Variants in WT1 observed in about 807,000 individuals in gnomAD.
The protein encoded by WT1 is Wilms tumor protein.
WT1 carries 8 observed loss-of-function variants against 60.8 expected under a neutral mutation model. The observed-to-expected ratio is 0.13, with a 90% CI of 0.08 to 0.24. The LOEUF (loss-of-function observed/expected upper bound fraction) is 0.24. Among genes scored for constraint, WT1 ranks in the 10% least tolerant of loss-of-function variants. The pLI, the probability that WT1 is intolerant of heterozygous loss-of-function variation, is 1.00. For synonymous variants in WT1, 312 were observed against 297.1 expected (o/e 1.05, Z -0.52); for missense variants, 568 against 711.8 (o/e 0.80, Z 2.30).
At chr11:32,413,741 T>C (rs953888503) in intron 5 of WT1, among the ~76,000 whole-genome samples, 3 of 152,236 alleles carry the variant, frequency 2.0e-5, no homozygotes, top group African/African-American at 7.2e-5. Context: ...TGTGTGTGTA[T>C]GTGTGTGCAC....
intron 6 of WT1, among the ~76,000 whole-genome samples, chr11:32,399,156 C>CAA (rs890562481): frequency 1.4e-3 from 78 of 54,366 alleles, no homozygotes; most frequent in Admixed American, 3.0e-3. Flanking sequence ...ACTCCCATCT[C>CAA]AAAAAAAAAA....
intron 3 of WT1, among the ~76,000 whole-genome samples, chr11:32,424,011 A>T (rs1278884880): frequency 6.6e-6 from 1 of 152,012 alleles, no homozygotes; most frequent in Non-Finnish European, 1.5e-5. Context: ...AAATACAAAA[A>T]ATTAGCCAGG....
chr11:32,412,608 A>C (rs1161759518), intron 5 of WT1, among the ~76,000 whole-genome samples: 1 of 151,846 alleles, frequency 6.6e-6, no homozygotes, highest in African/African-American at 2.4e-5. Flanking sequence ...AAATGTTTTC[A>C]AAGAAATAGA....
intron 6 of WT1, among the ~76,000 whole-genome samples, chr11:32,399,354 T>C (rs547525588): frequency 2.0e-5 from 3 of 152,304 alleles, no homozygotes; most frequent in Non-Finnish European, 2.9e-5. Context: ...TGAACCCTAA[T>C]GTAAACTATG....
Position 32,400,304 on chromosome 11 carries a change from A to C in WT1, c.1017-260T>G, listed in dbSNP as rs1298063880. ...CACCGTCACGGTCTAGGTCTCGCTC[A>C]GACAAGCCGAGGAAGACCACAGTGG... On this transcript the variant is annotated intron_variant, in intron 5 of 9. Coordinates refer to ENST00000452863, the MANE Select transcript of WT1 (RefSeq NM_024426.6). 5.5e-6 allele frequency: 3 copies of C among 542,474 alleles called. No homozygotes were observed. The African/African-American group carries it at 5.7e-5, about 10-fold the overall frequency. 33.6% of individuals were successfully genotyped at this position (542,474 alleles called of 1,614,324 possible).
At position 32,392,773 on chromosome 11, in the gene WT1, T is replaced by C; in HGVS notation, c.1265-18A>G. On this transcript the variant is annotated intron_variant, in intron 7 of 9. Transcript: ENST00000452863. ...TTTCTCACCTTGGGGAAGACACATA[T>C]TCTATTTGAAAATGATACTGGAAAA... is the stretch of plus-strand genomic sequence containing the variant. The C allele has an allele frequency of 6.2e-7, 1 of 1,611,676 alleles. No homozygotes were observed. The highest frequency in any genetic ancestry group is 1.1e-5 in the South Asian group (1 of 91,002).
intron 5 of WT1, among the ~76,000 whole-genome samples, chr11:32,409,448 G>A (rs1852426029): frequency 6.6e-6 from 1 of 151,780 alleles, no homozygotes; most frequent in Non-Finnish European, 1.5e-5. Flanking sequence ...CTCTTATAAA[G>A]AAAGCACTTT....
Position 32,400,039 on chromosome 11 carries a change from C to A in WT1, c.1022G>T (p.Ser341Ile), listed in dbSNP as rs371021920. ...GTGGTTATCGCTCTCGTACCCTGTGCTGTGGCTGCAAACACAAAGAAGGGA... is the reference window on the plus strand; with the variant it reads ...GTGGTTATCGCTCTCGTACCCTGTGATGTGGCTGCAAACACAAAGAAGGGA... Residue 341 changes from serine to isoleucine, a missense_variant, in exon 6 of 10, where the codon AGC becomes ATC. Ser to Ile is a moderately radical substitution (Grantham distance 142). This residue lies in a region of WT1 where 523 missense variants were observed against 565.1 expected (regional missense o/e 0.93). Transcript: ENST00000452863. 1 of 1,614,172 alleles carries A rather than the reference C, an allele frequency of 6.2e-7. No individual in the cohort carries two copies. Among genetic ancestry groups the A allele is most frequent in the Non-Finnish European group, 8.5e-7 (1 of 1,180,032 alleles).
intron 5 of WT1, among the ~76,000 whole-genome samples, chr11:32,405,542 A>G (rs1010317727): frequency 1.2e-4 from 18 of 149,668 alleles, no homozygotes; most frequent in Non-Finnish European, 2.4e-4. Context: ...ATAAATATAT[A>G]CAGAATATAT....
chr11:32,388,615 A>T lies in WT1; in HGVS notation c.*443T>A, dbSNP rs928209846. On this transcript the variant is annotated 3_prime_UTR_variant, in exon 10 of 10. Transcript: ENST00000452863. ...TATTTCTTGCTGTTGCTGTTAGTAA[A>T]TGGAAACCATGACAAAGTTTACATT... is the stretch of plus-strand genomic sequence containing the variant. 66 of 254,556 alleles carry T rather than the reference A, an allele frequency of 2.6e-4. 1 individual carries two copies. The highest frequency in any genetic ancestry group is 1.2e-3 in the African/African-American group (54 of 46,076). 15.8% of individuals were successfully genotyped at this position (254,556 alleles called of 1,614,324 possible).
At chr11:32,413,832 C>T (rs1852578741) in intron 5 of WT1, among the ~76,000 whole-genome samples, 1 of 152,188 alleles carries the variant, frequency 6.6e-6, no homozygotes, top group African/African-American at 2.4e-5. Flanking sequence ...ATTTAAGAAG[C>T]TCTAATCTAG....
At chr11:32,419,788 T>C (rs527414789) in intron 3 of WT1, among the ~76,000 whole-genome samples, 3 of 152,186 alleles carry the variant, frequency 2.0e-5, no homozygotes, top group Non-Finnish European at 4.4e-5. Flanking sequence ...CAGTCTCCCA[T>C]GCGCAAGCAA....
chr11:32,401,659 C>T (rs946984791), intron 5 of WT1, among the ~76,000 whole-genome samples: 1 of 152,094 alleles, frequency 6.6e-6, no homozygotes, highest in African/African-American at 2.4e-5. Context: ...CCTGCCTCAG[C>T]CTCCGGAGTA....
At chr11:32,424,862 T>C (rs1446442088) in intron 3 of WT1, among the ~76,000 whole-genome samples, 1 of 152,126 alleles carries the variant, frequency 6.6e-6, no homozygotes, top group East Asian at 1.9e-4. Flanking sequence ...TTCTTTAGAC[T>C]GACAAGGGAA....
intron 5 of WT1, among the ~76,000 whole-genome samples, chr11:32,401,178 G>T (rs5030255): frequency 0.11 from 16,235 of 152,194 alleles, 1,382 homozygotes; most frequent in African/African-American, 0.24. Flanking sequence ...GCAATGAAAA[G>T]GAATAAAGTA....
intron 1 of WT1, among the ~76,000 whole-genome samples, chr11:32,432,104 A>T (rs1007797061): frequency 2.0e-5 from 3 of 152,236 alleles, no homozygotes; most frequent in Admixed American, 6.5e-5. Context: ...TAATGTTTAC[A>T]AGATTAGGAT....
Position 32,427,998 on chromosome 11 carries a change from C to A in WT1, c.845G>T (p.Cys282Phe), listed in dbSNP as rs2133072417. The change falls in exon 3 of 10, where the codon TGC becomes TTC. Residue 282 changes from cysteine (C) to phenylalanine (F), a missense_variant. Cys to Phe is a radical substitution (Grantham distance 205). Coordinates refer to ENST00000452863, the MANE Select transcript of WT1 (RefSeq NM_024426.6). ...CAGCAGCAAAGCCTGGCTGCCGGTGCAGCTGTCGGTGGGGGTGTGGCAGCC... is the reference window on the plus strand; with the variant it reads ...CAGCAGCAAAGCCTGGCTGCCGGTGAAGCTGTCGGTGGGGGTGTGGCAGCC... The A allele has an allele frequency of 6.2e-7, 1 of 1,611,832 alleles. No homozygotes were observed. Among genetic ancestry groups the A allele is most frequent in the Non-Finnish European group, 8.5e-7 (1 of 1,179,096 alleles).
intron 6 of WT1, 150 bp from the exon 7 acceptor site, chr11:32,396,557 T>C (rs140745134): frequency 4.1e-6 from 4 of 975,946 alleles, no homozygotes; most frequent in Non-Finnish European, 6.2e-6. Flanking sequence ...CAGATCCCCA[T>C]GGCAGACATC....
Position 32,428,592 on chromosome 11 carries a change from G to T in WT1, c.689C>A (p.Thr230Lys). The change falls in exon 2 of 10, where the codon ACG becomes AAG. Residue 230 changes from threonine to lysine, a missense_variant. By Grantham distance (78) the Thr-to-Lys change is moderately conservative (BLOSUM62 -1). This residue lies in a region of WT1 where 523 missense variants were observed against 565.1 expected (regional missense o/e 0.93). Transcript: ENST00000452863. ...CGAGGGCGTGTGACCGTAGCTGGGC[G>T]TCCCGTCGAAGGTGACCGTGCTGTA... 6.2e-7 allele frequency: 1 copy of T among 1,613,812 alleles called. No homozygotes were observed. The highest frequency in any genetic ancestry group is 1.3e-5 in the African/African-American group (1 of 75,014).
Sources: allele counts gnomAD v4.1 joint callset (sites outside exome capture counted in the v4.1 genomes callset), GRCh38; gene constraint gnomAD v4.1.1; regional missense constraint gnomAD v4.1.1; transcripts MANE v1.5; gene names NCBI Gene and HGNC (gene_info 2026-07-23, HGNC 2026-07-21).